The following ERBB4 variants were observed in gnomAD, a reference collection of about 807,000 sequenced individuals.
ERBB4 encodes the protein receptor tyrosine-protein kinase erbB-4.
In ERBB4, 42 loss-of-function variants were observed where a neutral mutation model predicts 158.0. That is an observed-to-expected ratio of 0.27 (90% CI 0.21 to 0.34). The LOEUF (loss-of-function observed/expected upper bound fraction) is 0.34. ERBB4 is among the 10% of genes least tolerant of loss of function. The probability of loss-of-function intolerance (pLI) is 1.00; values close to 1 mark genes in which losing one functional copy is unlikely to be tolerated. For missense variants in ERBB4, 1,333 were observed against 1,624.1 expected, an observed-to-expected ratio of 0.82 and a Z score of 3.08; for synonymous variants, 583 against 558.7, an observed-to-expected ratio of 1.04 and a Z score of -0.61.
intron 1 of ERBB4, among the ~76,000 whole-genome samples, chr2:212,157,894 T>C (rs1234780274): frequency 2.0e-5 from 3 of 152,096 alleles, no homozygotes; most frequent in African/African-American, 7.2e-5. Flanking sequence ...GAAAGAAGCC[T>C]GCTCTTAACA....
In ERBB4 at chr2:211,387,156, A is replaced by G; in HGVS notation, c.3184-6T>C. Reference sequence around the variant, plus strand: ...TCTCGGTATACAAACTGGTTCTGTTAATAAGAGAAACATATGTGGAGAGAA... The same window carrying G: ...TCTCGGTATACAAACTGGTTCTGTTGATAAGAGAAACATATGTGGAGAGAA... On this transcript the variant is annotated splice_region_variant and splice_polypyrimidine_tract_variant and intron_variant, in intron 26 of 27. Coordinates refer to ENST00000342788, the MANE Select transcript of ERBB4 (RefSeq NM_005235.3). 6.2e-7 allele frequency: 1 copy of G among 1,605,988 alleles called. No individual in the cohort carries two copies.
intron 1 of ERBB4, among the ~76,000 whole-genome samples, chr2:212,165,062 C>T (rs965746295): frequency 5.9e-5 from 9 of 151,868 alleles, no homozygotes; most frequent in Admixed American, 2.6e-4. Flanking sequence ...ATGCTGCGGT[C>T]GACTTTGTCC....
At chr2:211,802,419 AT>A (rs1457747746) in intron 3 of ERBB4, among the ~76,000 whole-genome samples, 1 of 152,176 alleles carries the variant, frequency 6.6e-6, no homozygotes, top group African/African-American at 2.4e-5. Flanking sequence ...AAGCTATAAT[AT>A]TTTGAGAACT....
Position 211,537,555 on chromosome 2 carries a change from G to A in ERBB4, c.2487+24348C>T, listed in dbSNP as rs115829847. Among the ~76,000 whole-genome samples, 647 of 151,990 alleles carry A rather than the reference G, an allele frequency of 4.3e-3. 5 individuals carry two copies. The highest frequency in any genetic ancestry group is 0.015 in the African/African-American group (623 of 41,514). On this transcript the variant is annotated intron_variant, in intron 20 of 27. Coordinates refer to ENST00000342788, the MANE Select transcript of ERBB4 (RefSeq NM_005235.3). The stretch of plus-strand genomic sequence containing the variant: ...CTTTTCTTCAAAAGGAAAGCTTTAG[G>A]TTTCTAGGTACTTTTATGTTACCAC...
At chr2:212,054,953 G>A (rs1047477828) in intron 2 of ERBB4, among the ~76,000 whole-genome samples, 3 of 152,160 alleles carry the variant, frequency 2.0e-5, no homozygotes, top group African/African-American at 7.2e-5. Flanking sequence ...GACAGTGGGG[G>A]CAGGACAGTG....
intron 2 of ERBB4, among the ~76,000 whole-genome samples, chr2:211,949,184 A>G (rs1360382644): frequency 1.3e-5 from 2 of 152,158 alleles, no homozygotes; most frequent in African/African-American, 2.4e-5. Context: ...GGTTATTGCA[A>G]TAGGTCTCCT....
chr2:211,776,601 T>A (rs2075882540), intron 4 of ERBB4, among the ~76,000 whole-genome samples: 1 of 152,216 alleles, frequency 6.6e-6, no homozygotes, highest in South Asian at 2.1e-4. Flanking sequence ...TTCACTGTCT[T>A]GCTTTGAATA....
At chr2:211,836,721 T>C (rs528783058) in intron 3 of ERBB4, among the ~76,000 whole-genome samples, 1 of 152,182 alleles carries the variant, frequency 6.6e-6, no homozygotes, top group East Asian at 1.9e-4. Context: ...TGAATAGCAG[T>C]TTCAGGTCTG....
intron 2 of ERBB4, among the ~76,000 whole-genome samples, chr2:212,107,448 C>T (rs930823990): frequency 3.3e-5 from 5 of 152,092 alleles, no homozygotes; most frequent in Non-Finnish European, 4.4e-5. Context: ...GCCTGTATCC[C>T]CATTGTATCT....
intron 25 of ERBB4, among the ~76,000 whole-genome samples, chr2:211,396,082 T>C (rs1190143608): frequency 2.0e-5 from 3 of 152,080 alleles, no homozygotes; most frequent in African/African-American, 7.2e-5. Context: ...AAATGTAATG[T>C]CTTTGCCTAG....
intron 19 of ERBB4, among the ~76,000 whole-genome samples, chr2:211,598,863 A>T (rs1257194894): frequency 6.6e-6 from 1 of 152,122 alleles, no homozygotes; most frequent in Non-Finnish European, 1.5e-5. Context: ...CTGCCCATAT[A>T]AATGTACCCA....
rs1316107291 is a variant in ERBB4 at position 211,931,063 on chromosome 2, A to T, written c.421+16367T>A. Among the ~76,000 whole-genome samples the T allele has an allele frequency of 2.6e-5, 4 of 152,208 alleles. No individual in the cohort carries two copies. In the East Asian group the frequency reaches 7.7e-4, roughly 29 times the overall value. On this transcript the variant is annotated intron_variant, in intron 3 of 27. Coordinates refer to ENST00000342788, the MANE Select transcript of ERBB4 (RefSeq NM_005235.3). ...CAATGAATAGGATTTTCTTGGCACC[A>T]CTAGGAAGTCTTGTGTTAAAGGCTT...
At chr2:212,332,878 T>C (rs577395538) in intron 1 of ERBB4, among the ~76,000 whole-genome samples, 2 of 152,250 alleles carry the variant, frequency 1.3e-5, no homozygotes, top group Non-Finnish European at 1.5e-5. Flanking sequence ...GAAGCTGTGA[T>C]GTAAATCATT....
At chr2:212,172,977 G>T in intron 1 of ERBB4, among the ~76,000 whole-genome samples, 1 of 152,046 alleles carries the variant, frequency 6.6e-6, no homozygotes, top group African/African-American at 2.4e-5. Flanking sequence ...GTAAAAAATA[G>T]GTCTATAGTT....
chr2:211,917,416 G>A (rs1479220082), intron 3 of ERBB4, among the ~76,000 whole-genome samples: 1 of 152,148 alleles, frequency 6.6e-6, no homozygotes, highest in Admixed American at 6.5e-5. Context: ...GACATTTAGA[G>A]AGTGTGCAAG....
chr2:212,413,401 C>T lies in ERBB4; in HGVS notation c.82+125048G>A, dbSNP rs181571161. Among the ~76,000 whole-genome samples the T allele has an allele frequency of 7.4e-3, 1,133 of 152,094 alleles. 10 individuals carry two copies. The highest frequency in any genetic ancestry group is 0.026 in the African/African-American group (1,073 of 41,488). ...AAAAGCTAAATAGCCACATATACAC[C>T]TGGCTATATCATTAAAATAACACAG... is the stretch of plus-strand genomic sequence containing the variant. On this transcript the variant is annotated intron_variant, in intron 1 of 27. Coordinates refer to ENST00000342788, the MANE Select transcript of ERBB4 (RefSeq NM_005235.3).
intron 1 of ERBB4, among the ~76,000 whole-genome samples, chr2:212,156,215 G>A (rs1170019434): frequency 9.2e-5 from 14 of 152,072 alleles, no homozygotes; most frequent in Non-Finnish European, 2.1e-4. Flanking sequence ...ATATGTGGGA[G>A]CGTAAAGAAA....
intron 1 of ERBB4, among the ~76,000 whole-genome samples, chr2:212,397,338 T>C (rs915283317): frequency 1.3e-5 from 2 of 152,014 alleles, no homozygotes; most frequent in South Asian, 4.2e-4. Context: ...CCAGGCATGG[T>C]GGCACGCTCC....
At chr2:211,454,058 C>G (rs960059276) in intron 20 of ERBB4, among the ~76,000 whole-genome samples, 2 of 152,096 alleles carry the variant, frequency 1.3e-5, no homozygotes, top group Admixed American at 6.6e-5. Context: ...AAATAAATCC[C>G]CAGATACGTA....
Sources: allele counts gnomAD v4.1 joint callset (sites outside exome capture counted in the v4.1 genomes callset), GRCh38; gene constraint gnomAD v4.1.1; transcripts MANE v1.5; gene names NCBI Gene and HGNC (gene_info 2026-07-23, HGNC 2026-07-21).